The following CLSTN2 variants were observed in gnomAD, a reference collection of about 807,000 sequenced individuals.
The protein encoded by CLSTN2 is calsyntenin 2, also known as calsyntenin-2.
In CLSTN2, 48 loss-of-function variants were observed where a neutral mutation model predicts 101.2. The ratio of observed to expected loss-of-function variants is 0.47; its 90% CI spans 0.38 to 0.60. The LOEUF (loss-of-function observed/expected upper bound fraction) is 0.60. CLSTN2 is among the 20% of genes least tolerant of loss of function. The pLI is 0.00. For missense variants in CLSTN2, 1,160 were observed against 1,238.2 expected (o/e 0.94, Z 0.95); for synonymous variants, 481 against 463.6 (o/e 1.04, Z -0.48).
intron 1 of CLSTN2, among the ~76,000 whole-genome samples, chr3:139,942,457 A>G (rs1431128883): frequency 6.6e-6 from 1 of 152,140 alleles, no homozygotes; most frequent in East Asian, 1.9e-4. Context: ...TTTGGGTTAA[A>G]TATTGCCCTC....
At chr3:140,259,190 G>A (rs190563903) in intron 2 of CLSTN2, among the ~76,000 whole-genome samples, 129 of 148,046 alleles carry the variant, frequency 8.7e-4, no homozygotes, top group Middle Eastern at 3.6e-3. Flanking sequence ...AGCTGCACAC[G>A]GGCTGGGTGC....
At chr3:140,007,777 T>A (rs1024060429) in intron 1 of CLSTN2, among the ~76,000 whole-genome samples, 1 of 152,336 alleles carries the variant, frequency 6.6e-6, no homozygotes, top group African/African-American at 2.4e-5. Flanking sequence ...ACTGAGACTG[T>A]ACATCATGTT....
At chr3:140,088,415 C>A (rs2008714765) in intron 1 of CLSTN2, among the ~76,000 whole-genome samples, 1 of 152,188 alleles carries the variant, frequency 6.6e-6, no homozygotes, top group African/African-American at 2.4e-5. Context: ...CACACCATAA[C>A]TTGTTGAGGG....
intron 9 of CLSTN2, among the ~76,000 whole-genome samples, chr3:140,543,256 C>T (rs1331643039): frequency 1.3e-5 from 2 of 152,116 alleles, no homozygotes; most frequent in Non-Finnish European, 2.9e-5. Context: ...TCACACCCTC[C>T]GCCTGCAGAT....
At chr3:140,240,704 G>T (rs1355875047) in intron 2 of CLSTN2, among the ~76,000 whole-genome samples, 1 of 152,108 alleles carries the variant, frequency 6.6e-6, no homozygotes, top group Admixed American at 6.6e-5. Context: ...CCTTACTCTT[G>T]CCAAAGCAGC....
At chr3:140,386,185 C>T (rs1490017455) in intron 2 of CLSTN2, among the ~76,000 whole-genome samples, 3 of 152,162 alleles carry the variant, frequency 2.0e-5, no homozygotes, top group Non-Finnish European at 4.4e-5. Context: ...TGTTATTACT[C>T]CCATCCTGTG....
chr3:140,439,382 C>G (rs529584205), intron 5 of CLSTN2, among the ~76,000 whole-genome samples: 1 of 152,366 alleles, frequency 6.6e-6, no homozygotes, highest in Admixed American at 6.5e-5. Context: ...GCCCCAAAGT[C>G]TCTGCCAACG....
intron 1 of CLSTN2, among the ~76,000 whole-genome samples, chr3:140,095,222 A>G (rs1396847046): frequency 6.6e-6 from 1 of 152,210 alleles, no homozygotes; most frequent in Non-Finnish European, 1.5e-5. Context: ...GGCAGTGAGA[A>G]TATTAATAGA....
In CLSTN2 at chr3:140,562,266, C is replaced by T. The variant is rs1935931722; in HGVS notation, c.2170C>T (p.His724Tyr). 1 of 1,613,952 alleles carries T rather than the reference C, an allele frequency of 6.2e-7. No individual in the cohort carries two copies. Among genetic ancestry groups the T allele is most frequent in the Non-Finnish European group, 8.5e-7 (1 of 1,179,956 alleles). ...ELNHSELHQR[H>Y]LDATNSTAGY... ...CAACCACAGTGAGCTCCACCAACGA[C>T]ACCTGGATGCCACTAATTCTACTGC... Residue 724 changes from histidine to tyrosine, a missense_variant, in exon 13 of 17, where the codon CAC becomes TAC. Transcript: ENST00000458420.
chr3:140,155,159 G>C (rs1048007518), intron 1 of CLSTN2, among the ~76,000 whole-genome samples: 1 of 152,118 alleles, frequency 6.6e-6, no homozygotes. Flanking sequence ...CCGTGGAAAG[G>C]GATTGCCGAT....
At chr3:140,006,383 C>G (rs1251788178) in intron 1 of CLSTN2, among the ~76,000 whole-genome samples, 1 of 152,196 alleles carries the variant, frequency 6.6e-6, no homozygotes, top group African/African-American at 2.4e-5. Flanking sequence ...ACCTACCAGG[C>G]TTTCTTTAGG....
At chr3:140,492,112 C>T (rs566655830) in intron 8 of CLSTN2, among the ~76,000 whole-genome samples, 3 of 151,864 alleles carry the variant, frequency 2.0e-5, no homozygotes, top group Admixed American at 2.0e-4. Context: ...TTTAAATCCA[C>T]AGTGAGCTAT....
intron 2 of CLSTN2, among the ~76,000 whole-genome samples, chr3:140,293,011 C>G (rs1339982430): frequency 6.6e-6 from 1 of 152,182 alleles, no homozygotes; most frequent in Non-Finnish European, 1.5e-5. Flanking sequence ...GAGATAAACA[C>G]TATTAGACCT....
intron 2 of CLSTN2, among the ~76,000 whole-genome samples, chr3:140,348,286 C>T (rs572326928): frequency 8.5e-5 from 13 of 152,282 alleles, no homozygotes; most frequent in Non-Finnish European, 1.2e-4. Context: ...CTCATTTCTT[C>T]GTGCATTGAA....
intron 8 of CLSTN2, among the ~76,000 whole-genome samples, chr3:140,502,905 A>G (rs1432664233): frequency 6.6e-6 from 1 of 152,192 alleles, no homozygotes; most frequent in Non-Finnish European, 1.5e-5. Context: ...TTATCTTACA[A>G]TCTTGGAGGT....
chr3:139,980,668 G>C (rs974325807), intron 1 of CLSTN2, among the ~76,000 whole-genome samples: 3 of 151,946 alleles, frequency 2.0e-5, no homozygotes, highest in African/African-American at 7.2e-5. Flanking sequence ...TTCTCCTCCA[G>C]ACCATAATCT....
intron 1 of CLSTN2, among the ~76,000 whole-genome samples, chr3:140,150,389 T>C (rs574876877): frequency 1.3e-5 from 2 of 152,306 alleles, no homozygotes; most frequent in South Asian, 2.1e-4. Flanking sequence ...CATCATTGGA[T>C]TGTTGTGAGT....
intron 2 of CLSTN2, among the ~76,000 whole-genome samples, chr3:140,198,001 T>C (rs1165337089): frequency 6.6e-6 from 1 of 152,208 alleles, no homozygotes; most frequent in Non-Finnish European, 1.5e-5. Context: ...ATTTTATTTG[T>C]GGCTCTTGAA....
At chr3:140,429,709 G>A (rs533912108) in intron 5 of CLSTN2, among the ~76,000 whole-genome samples, 1 of 152,288 alleles carries the variant, frequency 6.6e-6, no homozygotes, top group East Asian at 1.9e-4. Context: ...CAGCAGAAAA[G>A]AATGATTATT....
Sources: allele counts gnomAD v4.1 joint callset (sites outside exome capture counted in the v4.1 genomes callset), GRCh38; gene constraint gnomAD v4.1.1; transcripts MANE v1.5; gene names NCBI Gene and HGNC (gene_info 2026-07-23, HGNC 2026-07-21).